The following PPP1R9A variants were observed in gnomAD, a reference collection of about 807,000 sequenced individuals.
PPP1R9A encodes protein phosphatase 1 regulatory subunit 9A.
A neutral mutation model predicts 141.9 loss-of-function variants in PPP1R9A; 59 were observed. The ratio of observed to expected loss-of-function variants is 0.42; its 90% confidence interval spans 0.34 to 0.52. The LOEUF (loss-of-function observed/expected upper bound fraction) is 0.52, where lower values mean the gene tolerates loss of function less well. PPP1R9A is among the 20% of genes least tolerant of loss of function. The pLI is 0.10. For synonymous variants in PPP1R9A, 500 were observed against 569.7 expected, an observed-to-expected ratio of 0.88 and a Z score of 1.74; for missense variants, 1,444 against 1,611.9, an observed-to-expected ratio of 0.90 and a Z score of 1.78.
At chr7:95,180,554 G>T (rs1278069073) in intron 5 of PPP1R9A, among the ~76,000 whole-genome samples, 1 of 152,232 alleles carries the variant, frequency 6.6e-6, no homozygotes, top group East Asian at 1.9e-4. Context: ...AAGAGATTTT[G>T]CACAGCCAAA....
chr7:95,180,037 A>C (rs934523826), intron 5 of PPP1R9A, among the ~76,000 whole-genome samples: 1 of 152,162 alleles, frequency 6.6e-6, no homozygotes, highest in Non-Finnish European at 1.5e-5. Context: ...TCTAAAATTC[A>C]TATGGAACCA....
chr7:95,010,511 A>G (rs976119190), intron 2 of PPP1R9A, among the ~76,000 whole-genome samples: 2 of 152,192 alleles, frequency 1.3e-5, no homozygotes, highest in Non-Finnish European at 2.9e-5. Context: ...TTTAAATTAA[A>G]GGAAATTCAT....
At chr7:94,914,004 AT>A (rs2150620783) in intron 2 of PPP1R9A, among the ~76,000 whole-genome samples, 1 of 152,286 alleles carries the variant, frequency 6.6e-6, no homozygotes, top group South Asian at 2.1e-4. Context: ...TTGATAGATT[AT>A]TTGGAAAGGA....
At chr7:95,260,676 CAA>C (rs5885903) in intron 12 of PPP1R9A, among the ~76,000 whole-genome samples, 58,827 of 118,864 alleles carry the variant, frequency 0.49, 11,952 homozygotes, top group Middle Eastern at 0.59. Context: ...GACTCTGACT[CAA>C]AAAAAAAAAA....
intron 2 of PPP1R9A, among the ~76,000 whole-genome samples, chr7:95,019,268 G>A (rs1334915853): frequency 1.3e-5 from 2 of 152,110 alleles, no homozygotes; most frequent in South Asian, 2.1e-4. Flanking sequence ...GGTGGCAGGC[G>A]CCTGTAATCC....
At chr7:94,936,861 C>G (rs1270132558) in intron 2 of PPP1R9A, among the ~76,000 whole-genome samples, 1 of 152,044 alleles carries the variant, frequency 6.6e-6, no homozygotes, top group Non-Finnish European at 1.5e-5. Context: ...CAAGTAATTT[C>G]TCTAGTTGTT....
chr7:95,218,414 C>A (rs996220516), intron 7 of PPP1R9A, among the ~76,000 whole-genome samples: 1 of 151,970 alleles, frequency 6.6e-6, no homozygotes. Context: ...GGAATAAGTG[C>A]GATGTGGTGC....
chr7:95,098,449 C>T (rs1019850858), intron 2 of PPP1R9A: 4 of 151,794 alleles, frequency 2.6e-5, no homozygotes, highest in Non-Finnish European at 2.9e-5. Context: ...GGTCATCATC[C>T]TTTTTTATGT....
chr7:95,143,044 A>C (rs554141039), intron 4 of PPP1R9A, among the ~76,000 whole-genome samples: 3 of 152,130 alleles, frequency 2.0e-5, no homozygotes, highest in East Asian at 1.9e-4. Flanking sequence ...ATATCCTTGA[A>C]TATCCCAAGG....
At chr7:95,178,840 C>A (rs1175341349) in intron 5 of PPP1R9A, among the ~76,000 whole-genome samples, 1 of 151,984 alleles carries the variant, frequency 6.6e-6, no homozygotes, top group Non-Finnish European at 1.5e-5. Context: ...GAATTAGATA[C>A]CCTGAACACT....
chr7:95,276,103 A>C (rs1803141097), intron 16 of PPP1R9A, among the ~76,000 whole-genome samples: 1 of 152,204 alleles, frequency 6.6e-6, no homozygotes, highest in Non-Finnish European at 1.5e-5. Flanking sequence ...TTAGGGGAGA[A>C]AGAGATGCAT....
chr7:95,083,664 C>T (rs899858312), intron 2 of PPP1R9A, among the ~76,000 whole-genome samples: 60 of 151,992 alleles, frequency 3.9e-4, no homozygotes, highest in South Asian at 1.2e-3. Flanking sequence ...TCGGAGGCTC[C>T]GTACCACAGG....
chr7:95,212,576 A>G (rs1463380353), intron 7 of PPP1R9A, among the ~76,000 whole-genome samples: 1 of 152,148 alleles, frequency 6.6e-6, no homozygotes, highest in Non-Finnish European at 1.5e-5. Context: ...AGATCTTATG[A>G]AAATGGTTCC....
In PPP1R9A at chr7:95,197,162, A is replaced by G. The variant is rs572431007; in HGVS notation, c.1755-1187A>G. Among the ~76,000 whole-genome samples, 5 of 152,318 alleles carry G rather than the reference A, an allele frequency of 3.3e-5. No homozygotes were observed. In the East Asian group the frequency reaches 9.6e-4, roughly 29 times the overall value. ...AAATTGATCAAAGACAGCAACATAC[A>G]TTAATCAGAGGAAAGCATCAATTAA... is the stretch of plus-strand genomic sequence containing the variant. On this transcript the variant is annotated intron_variant, in intron 5 of 19. Coordinates refer to ENST00000433360, the MANE Select transcript of PPP1R9A (RefSeq NM_001166160.2).
intron 4 of PPP1R9A, among the ~76,000 whole-genome samples, chr7:95,138,432 T>C (rs1418106747): frequency 6.6e-6 from 1 of 152,130 alleles, no homozygotes; most frequent in African/African-American, 2.4e-5. Flanking sequence ...TCTAAAAGAA[T>C]ACAGAGGTGA....
At chr7:95,272,987 G>GT (rs1482151614) in intron 14 of PPP1R9A, among the ~76,000 whole-genome samples, 1 of 152,150 alleles carries the variant, frequency 6.6e-6, no homozygotes, top group South Asian at 2.1e-4. Context: ...ATGCTGAAAC[G>GT]TGATGCCGAT....
Position 95,095,087 on chromosome 7 carries a change from A to T in PPP1R9A, c.1396-16172A>T, listed in dbSNP as rs565016497. Among the ~76,000 whole-genome samples the T allele has an allele frequency of 3.9e-5, 6 of 152,182 alleles. No homozygotes were observed. In the South Asian group the frequency reaches 1.2e-3, roughly 32 times the overall value. Reference sequence around the variant, plus strand: ...CTATAATTTTGCTTTGGGGTACTTTAAATCTGAGGTGCTATCAAGTCACCT... The same window carrying T: ...CTATAATTTTGCTTTGGGGTACTTTTAATCTGAGGTGCTATCAAGTCACCT... On this transcript the variant is annotated intron_variant, in intron 2 of 19. Coordinates refer to ENST00000433360, the MANE Select transcript of PPP1R9A (RefSeq NM_001166160.2).
rs369154207 is a variant in PPP1R9A at position 95,284,122 on chromosome 7, G to A, written c.3401G>A (p.Arg1134Gln). The A allele has an allele frequency of 1.1e-5, 18 of 1,590,280 alleles. 1 individual carries two copies. The highest frequency in any genetic ancestry group is 6.6e-5 in the South Asian group (6 of 90,900). Residue 1134 changes from arginine to glutamine, a missense_variant, in exon 17 of 20, where the codon CGG (arginine) becomes CAG (glutamine). By Grantham distance (43) the Arg-to-Gln change is conservative (BLOSUM62 1). Coordinates refer to ENST00000433360, the MANE Select transcript of PPP1R9A (RefSeq NM_001166160.2). ...CCTTTCTCATGGTTTAATGACAGCC[G>A]GAAAGGATCCTATTCCTTCAGGAAC... Reference protein sequence around the residue: ...CMPFSWFNDSRKGSYSFRNLP... With the variant: ...CMPFSWFNDSQKGSYSFRNLP...
In PPP1R9A at chr7:95,187,965, A is replaced by G. The variant is rs140448174; in HGVS notation, c.1755-10384A>G. ...AGAATTTTCCATGTGCTGATGAAAA[A>G]AATGTATACTCTGCAGTTGTTGGGT... On this transcript the variant is annotated intron_variant, in intron 5 of 19. Coordinates refer to ENST00000433360, the MANE Select transcript of PPP1R9A (RefSeq NM_001166160.2). Among the ~76,000 whole-genome samples, 650 of 152,216 alleles carry G rather than the reference A, an allele frequency of 4.3e-3. 4 individuals carry two copies. Among genetic ancestry groups the G allele is most frequent in the African/African-American group, 0.014 (586 of 41,544 alleles).
Sources: gnomAD v4.1 joint callset for allele counts (sites outside exome capture counted in the v4.1 genomes callset) on GRCh38, gnomAD v4.1.1 for gene constraint, MANE v1.5 for transcripts, NCBI Gene and HGNC (gene_info 2026-07-23, HGNC 2026-07-21) for gene names.